IP6K2: variants seen among roughly 807,000 people sequenced by gnomAD.
IP6K2 encodes the protein inositol hexakisphosphate kinase 2, also known as ATP:1D-myo-inositol-hexakisphosphate phosphotransferase.
In IP6K2, 9 loss-of-function variants were observed where a neutral mutation model predicts 43.3. That is an observed-to-expected ratio of 0.21 (90% CI 0.13 to 0.36). The LOEUF (loss-of-function observed/expected upper bound fraction) is 0.36, where lower values mean the gene tolerates loss of function less well. Ranked by LOEUF, IP6K2 falls within the 10% of genes least tolerant of loss-of-function variation. The pLI is 1.00. For synonymous variants in IP6K2, 209 were observed against 202.4 expected, an observed-to-expected ratio of 1.03 and a Z score of -0.28; for missense variants, 332 against 538.4, an observed-to-expected ratio of 0.62 and a Z score of 3.79.
At chr3:48,697,658 TA>T (rs34462230) in intron 1 of IP6K2, among the ~76,000 whole-genome samples, 1 of 151,142 alleles carries the variant, frequency 6.6e-6, no homozygotes, top group Non-Finnish European at 1.5e-5. Flanking sequence ...AATTTTTTCT[TA>T]AAAAAATTAA....
At chr3:48,707,068 T>C (rs1028009143) in intron 1 of IP6K2, among the ~76,000 whole-genome samples, 2 of 152,224 alleles carry the variant, frequency 1.3e-5, no homozygotes, top group Non-Finnish European at 2.9e-5. Context: ...TATTATTTTA[T>C]ATAAGCTTCA....
At chr3:48,697,340 T>G (rs1453517887) in intron 1 of IP6K2, among the ~76,000 whole-genome samples, 1 of 151,368 alleles carries the variant, frequency 6.6e-6, no homozygotes, top group Non-Finnish European at 1.5e-5. Context: ...CATTTTGTTT[T>G]GTTTTTTTTT....
intron 2 of IP6K2, chr3:48,694,164 C>T (rs1007733621): frequency 3.9e-6 from 6 of 1,548,556 alleles, no homozygotes; most frequent in Non-Finnish European, 4.4e-6. Flanking sequence ...CCACACTTCC[C>T]TGTGGCCACA....
intron 1 of IP6K2, among the ~76,000 whole-genome samples, chr3:48,698,685 C>T (rs1321869006): frequency 6.6e-6 from 1 of 152,120 alleles, no homozygotes; most frequent in Non-Finnish European, 1.5e-5. Context: ...GTTGGCCAGG[C>T]TGGTCTCGAA....
chr3:48,715,413 A>G (rs1446208537), intron 1 of IP6K2: 1 of 1,536,252 alleles, frequency 6.5e-7, no homozygotes, highest in Non-Finnish European at 8.7e-7. Flanking sequence ...TCCCTCTTGG[A>G]AGGGAGACTG....
chr3:48,690,535 A>C (rs544005246), intron 4 of IP6K2, among the ~76,000 whole-genome samples: 5 of 152,304 alleles, frequency 3.3e-5, no homozygotes, highest in Non-Finnish European at 7.4e-5. Context: ...CATGCCAGTT[A>C]TCCCAGCACT....
Position 48,693,108 on chromosome 3 carries a change from C to A in IP6K2, c.274G>T (p.Asp92Tyr). The change falls in exon 3 of 6, where the codon GAC becomes TAC. Residue 92 changes from aspartate to tyrosine, a missense_variant. Transcript: ENST00000328631. ...LCLIAYPLKG[D>Y]HGIVDIVDNS... is the part of the protein sequence containing the mutation. The stretch of plus-strand genomic sequence containing the variant: ...TCTACAATGTCCACAATTCCATGGT[C>A]CCCTTTCAATGGATATGCTATTAGA... 6.2e-7 allele frequency: 1 copy of A among 1,614,178 alleles called. No homozygotes were observed. Among genetic ancestry groups the A allele is most frequent in the Admixed American group, 1.7e-5 (1 of 60,030 alleles).
rs1264337738 is a variant in IP6K2 at position 48,694,303 on chromosome 3, T to TA, written c.202+786dup. On this transcript the variant is annotated intron_variant, in intron 2 of 5. Transcript: ENST00000328631. ...CCCAACTCCCCCATCCCCACCGCAATACACATGCATATTCAGAGTACAGAG... is the reference window on the plus strand; with the variant it reads ...CCCAACTCCCCCATCCCCACCGCAATAACACATGCATATTCAGAGTACAGAG... The TA allele has an allele frequency of 2.6e-6, 4 of 1,551,078 alleles. No individual in the cohort carries two copies. In the African/African-American group the frequency reaches 5.5e-5, roughly 21 times the overall value.
Position 48,702,420 on chromosome 3 carries a change from T to G in IP6K2, c.-130-6999A>C, listed in dbSNP as rs56924306. ...CCCTTGGCTCACTCTCTCAACCTCC[T>G]TCAGCCCTTTGTGCAAATGTCACCC... On this transcript the variant is annotated intron_variant, in intron 1 of 5. Transcript: ENST00000328631. 5.9e-3 allele frequency among the ~76,000 whole-genome samples: 899 copies of G among 151,386 alleles called. 10 individuals carry two copies. The highest frequency in any genetic ancestry group is 0.021 in the African/African-American group (858 of 41,170).
In IP6K2 at chr3:48,688,119, C is replaced by G. The variant is rs1009951781; in HGVS notation, c.*154G>C. On this transcript the variant is annotated 3_prime_UTR_variant, in exon 6 of 6. Transcript: ENST00000328631. The surrounding 1 kb of genome is among the most constrained non-coding windows in gnomAD (Gnocchi z 5.1). ...AAATAAATAAAGACTCCAAGCACAG[C>G]TGGGACTGGCTCAGGCTGGGGCTCA... 2 of 728,650 alleles carry G rather than the reference C, an allele frequency of 2.7e-6. No homozygotes were observed. Among genetic ancestry groups the G allele is most frequent in the African/African-American group, 1.8e-5 (1 of 56,930 alleles). 45.1% of individuals were successfully genotyped at this position (728,650 alleles called of 1,614,324 possible). A position where few individuals can be genotyped will look rare whatever the true frequency, so the allele number is the denominator to read the frequency against.
intron 4 of IP6K2, among the ~76,000 whole-genome samples, 197 bp from the exon 5 acceptor site, chr3:48,689,910 A>G (rs950131848): frequency 6.6e-6 from 1 of 152,194 alleles, no homozygotes; most frequent in African/African-American, 2.4e-5. Context: ...TTGTCAGGGA[A>G]CTGACGTGGA....
intron 1 of IP6K2, among the ~76,000 whole-genome samples, chr3:48,700,528 C>T (rs2078903705): frequency 1.3e-5 from 2 of 152,172 alleles, no homozygotes; most frequent in South Asian, 4.1e-4. Flanking sequence ...TCACATTTGT[C>T]CATGAAACTA....
intron 1 of IP6K2, among the ~76,000 whole-genome samples, chr3:48,710,463 A>G (rs2080354260): frequency 1.3e-5 from 2 of 152,220 alleles, no homozygotes; most frequent in South Asian, 4.1e-4. Context: ...CAGTTTTAAC[A>G]TCTTACTCTT....
chr3:48,700,646 T>C (rs138290086), intron 1 of IP6K2, among the ~76,000 whole-genome samples: 1 of 152,336 alleles, frequency 6.6e-6, no homozygotes, highest in African/African-American at 2.4e-5. Flanking sequence ...TTGGAAACAA[T>C]GCCTTAATAT....
intron 1 of IP6K2, among the ~76,000 whole-genome samples, chr3:48,709,586 C>T (rs1251227502): frequency 6.6e-6 from 1 of 152,172 alleles, no homozygotes; most frequent in Non-Finnish European, 1.5e-5. Context: ...CGCCTGTAAT[C>T]CCAGCACTTT....
chr3:48,707,750 TAATG>T (rs2079984339), intron 1 of IP6K2, among the ~76,000 whole-genome samples: 1 of 152,236 alleles, frequency 6.6e-6, no homozygotes, highest in Admixed American at 6.5e-5. Flanking sequence ...ATTCTGGTTT[TAATG>T]AAGAAACCAC....
In IP6K2 at chr3:48,695,309, C is replaced by T. The variant is rs866449293; in HGVS notation, c.-18G>A. ...GGGCTCATCCTCCGGGCGCAGATGG[C>T]GGGGAGATGGGGGAGGCAGCGGAGT... On this transcript the variant is annotated 5_prime_UTR_variant, in exon 2 of 6. Transcript: ENST00000328631. This position sits in a 1 kb window ranked among gnomAD's most constrained non-coding sequence, Gnocchi z 4.6. 6.3e-6 allele frequency: 10 copies of T among 1,597,094 alleles called. 1 individual carries two copies. The highest frequency in any genetic ancestry group is 5.4e-5 in the African/African-American group (4 of 74,552).
chr3:48,704,173 C>T (rs1172082309), intron 1 of IP6K2, among the ~76,000 whole-genome samples: 2 of 152,066 alleles, frequency 1.3e-5, no homozygotes, highest in Non-Finnish European at 2.9e-5. Flanking sequence ...AGGAAGGAAA[C>T]AGTCAATGTC....
chr3:48,688,784 G>C lies in IP6K2; in HGVS notation c.781-11C>G, dbSNP rs201907257. The C allele has an allele frequency of 4.6e-5, 73 of 1,591,908 alleles. 2 individuals are homozygous for C. In the African/African-American group the frequency reaches 5.5e-4, roughly 12 times the overall value. ...GCCTGCTTGGTACACCTGTAGGAGA[G>C]AGACCAGCAAGTCAGGGGCTGAGGG... On this transcript the variant is annotated splice_polypyrimidine_tract_variant and intron_variant, in intron 5 of 5. Transcript: ENST00000328631. This position sits in a 1 kb window ranked among gnomAD's most constrained non-coding sequence, Gnocchi z 5.1.
Sources: allele counts gnomAD v4.1 joint callset (sites outside exome capture counted in the v4.1 genomes callset), GRCh38; gene constraint gnomAD v4.1.1; non-coding constraint Gnocchi (gnomAD v3.1); transcripts MANE v1.5; gene names NCBI Gene and HGNC (gene_info 2026-07-23, HGNC 2026-07-21).